The following PEAK1 variants were observed in gnomAD, a reference collection of about 807,000 sequenced individuals.
PEAK1 encodes the protein inactive tyrosine-protein kinase PEAK1.
A neutral mutation model predicts 124.7 loss-of-function variants in PEAK1; 54 were observed. That is an observed-to-expected ratio of 0.43 (90% CI 0.35 to 0.54). The LOEUF is 0.54. Ranked by LOEUF, PEAK1 falls within the 20% of genes least tolerant of loss-of-function variation. The pLI, the probability that PEAK1 is intolerant of heterozygous loss-of-function variation, is 0.01. For missense variants in PEAK1, 2,046 were observed against 2,134.5 expected (o/e 0.96, Z 0.82); for synonymous variants, 719 against 760.0 (o/e 0.95, Z 0.89).
intron 2 of PEAK1, among the ~76,000 whole-genome samples, chr15:77,315,592 A>G (rs373845994): frequency 1.3e-5 from 2 of 152,156 alleles, no homozygotes; most frequent in African/African-American, 2.4e-5. Flanking sequence ...GTTATCCCAT[A>G]TATAAACAGA....
At chr15:77,107,685 T>G (rs1432283522), downstream of PEAK1, 1 of 152,286 alleles carries the variant, frequency 6.6e-6, no homozygotes, top group Non-Finnish European at 1.5e-5. Context: ...GAGGCCCCTG[T>G]GTATCACTGT....
chr15:77,288,203 T>A (rs901412198), intron 2 of PEAK1, among the ~76,000 whole-genome samples: 8 of 152,208 alleles, frequency 5.3e-5, no homozygotes, highest in African/African-American at 1.9e-4. Flanking sequence ...AAGTATGACA[T>A]ATAAAGTCCT....
Position 77,281,537 on chromosome 15 carries a change from A to G in PEAK1, c.-275+2346T>C, listed in dbSNP as rs112978197. Among the ~76,000 whole-genome samples the G allele has an allele frequency of 3.3e-4, 51 of 152,312 alleles. 2 individuals carry two copies. Among genetic ancestry groups the G allele is most frequent in the African/African-American group, 1.2e-3 (48 of 41,588 alleles). The stretch of plus-strand genomic sequence containing the variant: ...GGAAGTTCATACAATTTAAGAATCA[A>G]ATTTAATAACTTCCTAGAAAACCCT... On this transcript the variant is annotated intron_variant, in intron 5 of 9. Coordinates refer to ENST00000682557, the MANE Select transcript of PEAK1 (RefSeq NM_001385026.1).
At position 77,185,580 on chromosome 15, in the gene PEAK1, C is replaced by A. The variant is rs535868798; in HGVS notation, c.-114-3540G>T. Among the ~76,000 whole-genome samples the A allele has an allele frequency of 2.6e-4, 39 of 152,214 alleles. No homozygotes were observed. In the South Asian group the frequency reaches 8.1e-3, roughly 32 times the overall value. ...CTTGGCAACATGAGCTCATCTGTGA[C>A]CTTAGCATGAACTATTTGGTTCAGT... On this transcript the variant is annotated intron_variant, in intron 6 of 9. Coordinates refer to ENST00000682557, the MANE Select transcript of PEAK1 (RefSeq NM_001385026.1).
intron 8 of PEAK1, among the ~76,000 whole-genome samples, chr15:77,137,759 G>A (rs1459120737): frequency 6.6e-6 from 1 of 152,180 alleles, no homozygotes; most frequent in African/African-American, 2.4e-5. Context: ...GTTGAAATGA[G>A]TTAAGACTTT....
intron 5 of PEAK1, among the ~76,000 whole-genome samples, chr15:77,261,566 A>T (rs1216965871): frequency 6.6e-6 from 1 of 152,016 alleles, no homozygotes; most frequent in African/African-American, 2.4e-5. Context: ...AGAAAAAAAG[A>T]ATAAAAAAAA....
chr15:77,334,898 TTACTGATA>T (rs2066103193), intron 2 of PEAK1: 2 of 985,304 alleles, frequency 2.0e-6, no homozygotes, highest in Admixed American at 1.2e-4. Context: ...TTCCTTTTTA[TTACTGATA>T]TCCAGCTTCC....
intron 1 of PEAK1, among the ~76,000 whole-genome samples, chr15:77,392,304 G>A (rs1393303579): frequency 3.9e-5 from 6 of 152,180 alleles, no homozygotes; most frequent in African/African-American, 1.4e-4. Context: ...AGTTACCTGT[G>A]TAGCTTAGAT....
At chr15:77,257,961 C>T (rs913569010) in intron 5 of PEAK1, among the ~76,000 whole-genome samples, 23 of 152,166 alleles carry the variant, frequency 1.5e-4, no homozygotes, top group Admixed American at 1.5e-3. Flanking sequence ...GCCAGTTTTC[C>T]CATCACCATT....
At chr15:77,105,353 T>TGCGCGCGC (rs1211721842), downstream of PEAK1, 1 of 77,628 alleles carries the variant, frequency 1.3e-5, no homozygotes, top group African/African-American at 4.3e-5. Flanking sequence ...TGTGTGTGTG[T>TGCGCGCGC]GTGTGCGCGC....
At chr15:77,337,621 T>G (rs2066282815) in intron 2 of PEAK1, 2 of 985,328 alleles carry the variant, frequency 2.0e-6, no homozygotes, top group Non-Finnish European at 2.4e-6. Context: ...ACCTTTACCA[T>G]GGATTAATTC....
At chr15:77,255,536 C>T (rs925686466) in intron 5 of PEAK1, 3 of 215,648 alleles carry the variant, frequency 1.4e-5, no homozygotes, top group South Asian at 1.6e-4. Flanking sequence ...CCAAAATATG[C>T]GGCCATATGC....
chr15:77,361,110 A>G (rs927149613), intron 2 of PEAK1, among the ~76,000 whole-genome samples: 1 of 152,222 alleles, frequency 6.6e-6, no homozygotes, highest in African/African-American at 2.4e-5. Context: ...AATATTTGCA[A>G]ACTACTCACC....
chr15:77,342,106 C>A (rs2066572840), intron 2 of PEAK1, among the ~76,000 whole-genome samples: 1 of 150,264 alleles, frequency 6.7e-6, no homozygotes, highest in African/African-American at 2.5e-5. Context: ...CACAAAACAA[C>A]CATTTAATGA....
At chr15:77,311,143 C>A (rs893640795) in intron 2 of PEAK1, among the ~76,000 whole-genome samples, 1 of 152,232 alleles carries the variant, frequency 6.6e-6, no homozygotes, top group Non-Finnish European at 1.5e-5. Context: ...TAGCCTAGAA[C>A]AAAGTGGTGG....
At chr15:77,287,986 C>T (rs1295397023) in intron 2 of PEAK1, among the ~76,000 whole-genome samples, 1 of 152,160 alleles carries the variant, frequency 6.6e-6, no homozygotes, top group African/African-American at 2.4e-5. Flanking sequence ...AGTTATCTCT[C>T]AATATGACCA....
At chr15:77,291,150 G>A (rs1267111405) in intron 2 of PEAK1, among the ~76,000 whole-genome samples, 1 of 152,174 alleles carries the variant, frequency 6.6e-6, no homozygotes, top group African/African-American at 2.4e-5. Flanking sequence ...CAGATTTGCA[G>A]ACAGTAAAAC....
At chr15:77,351,749 T>A in intron 2 of PEAK1, 2 of 985,406 alleles carry the variant, frequency 2.0e-6, no homozygotes, top group Non-Finnish European at 1.2e-6. Context: ...GGCACAGAGG[T>A]TCTCCAACAG....
At chr15:77,336,047 G>A in intron 2 of PEAK1, 2 of 985,362 alleles carry the variant, frequency 2.0e-6, no homozygotes, top group African/African-American at 3.5e-5. Context: ...TTGAAGGTAA[G>A]ATAACAAGAA....
Sources: allele counts gnomAD v4.1 joint callset (sites outside exome capture counted in the v4.1 genomes callset), GRCh38; gene constraint gnomAD v4.1.1; transcripts MANE v1.5; gene names NCBI Gene and HGNC (gene_info 2026-07-23, HGNC 2026-07-21).